Variants in CSPP1 observed in about 807,000 individuals in gnomAD.
CSPP1 encodes centrosome and spindle pole-associated protein 1.
CSPP1 carries 126 observed loss-of-function variants against 164.4 expected under a neutral mutation model. That is an observed-to-expected ratio of 0.77 (90% CI 0.66 to 0.89). The LOEUF (loss-of-function observed/expected upper bound fraction) is 0.89. CSPP1 is among the 40% of genes least tolerant of loss of function. CSPP1 has a pLI of 0.00. For synonymous variants in CSPP1, 472 were observed against 476.7 expected, an observed-to-expected ratio of 0.99 and a Z score of 0.13; for missense variants, 1,395 against 1,449.8, an observed-to-expected ratio of 0.96 and a Z score of 0.61.
At chr8:67,188,932 G>T (rs924932006) in intron 28 of CSPP1, among the ~76,000 whole-genome samples, 2 of 152,150 alleles carry the variant, frequency 1.3e-5, no homozygotes, top group Non-Finnish European at 2.9e-5. Flanking sequence ...CCATTCCTTG[G>T]AATCTGTGAG....
chr8:67,175,644 T>G, intron 26 of CSPP1: 1 of 681,218 alleles, frequency 1.5e-6, no homozygotes, highest in Non-Finnish European at 2.7e-6. Flanking sequence ...TATTCATGCA[T>G]GAGAGGGGCC....
chr8:67,118,425 G>GT (rs1287984529), intron 14 of CSPP1, 56 bp downstream of exon 14: 10 of 1,576,144 alleles, frequency 6.3e-6, no homozygotes, highest in African/African-American at 1.4e-5. Context: ...AAGGAAAATT[G>GT]TTTTTTTGTG....
At chr8:67,155,734 G>C (rs917100495) in intron 19 of CSPP1, among the ~76,000 whole-genome samples, 14 of 152,260 alleles carry the variant, frequency 9.2e-5, no homozygotes, top group South Asian at 2.1e-4. Flanking sequence ...GTTGCAGTGA[G>C]CCAAGATATG....
At chr8:67,068,478 A>T (rs1806049463) in intron 1 of CSPP1, among the ~76,000 whole-genome samples, 1 of 152,218 alleles carries the variant, frequency 6.6e-6, no homozygotes, top group African/African-American at 2.4e-5. Context: ...ATATATAAAT[A>T]ATCTCATTTA....
chr8:67,148,160 C>G (rs954833648), intron 17 of CSPP1, among the ~76,000 whole-genome samples: 21 of 152,048 alleles, frequency 1.4e-4, no homozygotes, highest in Admixed American at 3.3e-4. Context: ...CTCAAGTAAT[C>G]CACCCTCTTT....
At chr8:67,072,247 T>G (rs903768709) in intron 1 of CSPP1, among the ~76,000 whole-genome samples, 5 of 151,336 alleles carry the variant, frequency 3.3e-5, no homozygotes, top group African/African-American at 1.2e-4. Flanking sequence ...GAGATTGCGC[T>G]ACTGCACTCC....
chr8:67,118,762 C>T lies in CSPP1; in HGVS notation c.1638C>T (p.Gly546=), dbSNP rs1470629361. 13 of 1,611,112 alleles carry T rather than the reference C, an allele frequency of 8.1e-6. No homozygotes were observed. The highest frequency in any genetic ancestry group is 2.2e-5 in the East Asian group (1 of 44,840). The stretch of plus-strand genomic sequence containing the variant: ...TTTAAGATGGTTCAGGAATGATGGG[C>T]GTACAGCCTGCAGCTTATGTTAGTG... ...SLAYYGSGMM[G]VQPAAYVSAP... The change falls in exon 15 of 31, where the codon GGC becomes GGT. Residue 546 remains glycine, a synonymous_variant. Transcript: ENST00000678616.
intron 17 of CSPP1, among the ~76,000 whole-genome samples, chr8:67,139,014 G>A (rs1485839509): frequency 6.6e-6 from 1 of 152,160 alleles, no homozygotes; most frequent in African/African-American, 2.4e-5. Context: ...CATATGGCTA[G>A]CCAGTTTTCC....
intron 15 of CSPP1, among the ~76,000 whole-genome samples, chr8:67,123,994 G>A (rs1819555018): frequency 6.6e-6 from 1 of 150,882 alleles, no homozygotes; most frequent in Admixed American, 6.6e-5. Context: ...CCACCTTCTG[G>A]GTTCATGTCA....
At position 67,112,149 on chromosome 8, in the gene CSPP1, C is replaced by T. The variant is rs941619942; in HGVS notation, c.1187+84C>T. On this transcript the variant is annotated intron_variant, in intron 10 of 30. Coordinates refer to ENST00000678616, the MANE Select transcript of CSPP1 (RefSeq NM_001382391.1). ...ATGACATGGTTAAATAAGGGGTTGT[C>T]GTTCTAATATGATGTTTGATTTGTA... 164 of 804,930 alleles carry T rather than the reference C, an allele frequency of 2.0e-4. No individual in the cohort carries two copies. The Admixed American group carries it at 3.5e-3, about 17-fold the overall frequency. The allele number at this position is 804,930 out of a possible 1,614,324, so 49.9% of individuals were successfully genotyped here.
Position 67,126,408 on chromosome 8 carries a change from C to G in CSPP1, c.1698-5543C>G, listed in dbSNP as rs531820534. 3.3e-5 allele frequency among the ~76,000 whole-genome samples: 5 copies of G among 152,262 alleles called. No individual in the cohort carries two copies. In the South Asian group the frequency reaches 1.0e-3, roughly 32 times the overall value. ...TGTTGTTGTTGCTGTTTTCTAAGTA[C>G]CCTTTGTAAAGTCTGTATTCTTTGT... On this transcript the variant is annotated intron_variant, in intron 15 of 30. Coordinates refer to ENST00000678616, the MANE Select transcript of CSPP1 (RefSeq NM_001382391.1).
intron 28 of CSPP1, among the ~76,000 whole-genome samples, chr8:67,188,022 A>G (rs2129574542): frequency 6.6e-6 from 1 of 152,362 alleles, no homozygotes; most frequent in East Asian, 1.9e-4. Context: ...GAAATAATTG[A>G]TAAGCCGGAC....
At chr8:67,189,478 A>C (rs1835593686) in intron 28 of CSPP1, among the ~76,000 whole-genome samples, 1 of 152,204 alleles carries the variant, frequency 6.6e-6, no homozygotes, top group Non-Finnish European at 1.5e-5. Context: ...AAGGACCCAA[A>C]ACTTATTTTA....
chr8:67,070,712 T>C lies in CSPP1; in HGVS notation c.-10-3531T>C, dbSNP rs554319093. On this transcript the variant is annotated intron_variant, in intron 1 of 30. Coordinates refer to ENST00000678616, the MANE Select transcript of CSPP1 (RefSeq NM_001382391.1). ...GATTTGAAGTATATTTTGCTAAAACTATATATGTAAATATATATATATATA... is the reference window on the plus strand; with the variant it reads ...GATTTGAAGTATATTTTGCTAAAACCATATATGTAAATATATATATATATA... Among the ~76,000 whole-genome samples, 3 of 145,796 alleles carry C rather than the reference T, an allele frequency of 2.1e-5. No individual in the cohort carries two copies. In the South Asian group the frequency reaches 6.4e-4, roughly 31 times the overall value.
In CSPP1 at chr8:67,095,315, A is replaced by C. The variant is rs1282007587; in HGVS notation, c.506A>C (p.Lys169Thr). The change falls in exon 7 of 31, where the codon AAA (lysine) becomes ACA (threonine). Residue 169 changes from lysine to threonine, a missense_variant. Coordinates refer to ENST00000678616, the MANE Select transcript of CSPP1 (RefSeq NM_001382391.1). ...STEPKSQRNK[K>T]PIGQVKPDLT... The stretch of plus-strand genomic sequence containing the variant: ...CAGCCCAAGAGTCAGAGAAATAAAA[A>C]ACCTATTGGTCAAGTTAAGCCTGAT... 6.4e-7 allele frequency: 1 copy of C among 1,569,582 alleles called. No homozygotes were observed. Among genetic ancestry groups the C allele is most frequent in the Non-Finnish European group, 8.6e-7 (1 of 1,165,930 alleles).
Position 67,159,850 on chromosome 8 carries a change from CTTTTTCTTTCTT to C in CSPP1, c.2538+715_2538+726del, listed in dbSNP as rs1292837603. 6.0e-4 allele frequency among the ~76,000 whole-genome samples: 55 copies of C among 91,634 alleles called. 2 individuals are homozygous for C. In the East Asian group the frequency reaches 8.6e-3, roughly 14 times the overall value. The allele number at this position is 91,634 out of a possible 152,430, so 60.1% of individuals were successfully genotyped here. A position where few individuals can be genotyped will look rare whatever the true frequency, so the allele number is the denominator to read the frequency against. On this transcript the variant is annotated intron_variant, in intron 21 of 30. Transcript: ENST00000678616. ...TCTCTCTTTCTTTCTTTCTTTCTTT[CTTTTTCTTTCTT>C]TCTTTCTTTCTTTCTTTCTTTCTTT...
chr8:67,095,861 G>T, intron 7 of CSPP1, 129 bp downstream of exon 7: 1 of 619,762 alleles, frequency 1.6e-6, no homozygotes, highest in Non-Finnish European at 2.8e-6. Flanking sequence ...ATTCTAAGAT[G>T]CTGTCAGTTT....
At chr8:67,121,036 G>T (rs1001137542) in intron 15 of CSPP1, among the ~76,000 whole-genome samples, 1 of 151,946 alleles carries the variant, frequency 6.6e-6, no homozygotes, top group African/African-American at 2.4e-5. Flanking sequence ...TGTATCTTTA[G>T]TAGAGACAGG....
chr8:67,109,621 A>T lies in CSPP1; in HGVS notation c.1094-2351A>T, dbSNP rs148837400. On this transcript the variant is annotated intron_variant, in intron 9 of 30. Coordinates refer to ENST00000678616, the MANE Select transcript of CSPP1 (RefSeq NM_001382391.1). Reference sequence around the variant, plus strand: ...TAGCCATCTTTAAAAAATTTTGCCTACCATTGTCGCATTTCTCTGTTACTA... The same window carrying T: ...TAGCCATCTTTAAAAAATTTTGCCTTCCATTGTCGCATTTCTCTGTTACTA... Among the ~76,000 whole-genome samples the T allele has an allele frequency of 2.7e-3, 408 of 152,202 alleles. 2 individuals carry two copies. The highest frequency in any genetic ancestry group is 9.6e-3 in the African/African-American group (398 of 41,520).
Sources: gnomAD v4.1 joint callset for allele counts (sites outside exome capture counted in the v4.1 genomes callset) on GRCh38, gnomAD v4.1.1 for gene constraint, MANE v1.5 for transcripts, NCBI Gene and HGNC (gene_info 2026-07-23, HGNC 2026-07-21) for gene names.